The following APBB1IP variants were observed in gnomAD, a reference collection of about 807,000 sequenced individuals.
The protein encoded by APBB1IP is amyloid beta precursor protein binding family B member 1 interacting protein.
A neutral mutation model predicts 64.9 loss-of-function variants in APBB1IP; 27 were observed. The observed-to-expected ratio is 0.42, with a 90% confidence interval of 0.31 to 0.57. APBB1IP has a LOEUF of 0.57. Ranked by LOEUF, APBB1IP falls within the 20% of genes least tolerant of loss-of-function variation. APBB1IP has a pLI of 0.20. For synonymous variants in APBB1IP, 392 were observed against 331.0 expected (o/e 1.18, Z -2.00); for missense variants, 812 against 845.5 (o/e 0.96, Z 0.49).
intron 2 of APBB1IP, among the ~76,000 whole-genome samples, chr10:26,457,302 G>A (rs143057809): frequency 2.0e-5 from 3 of 152,006 alleles, no homozygotes; most frequent in South Asian, 2.1e-4. Flanking sequence ...GGTAACTATC[G>A]CATTTGAATT....
chr10:26,546,215 A>G (rs1026079725), intron 11 of APBB1IP, among the ~76,000 whole-genome samples: 1 of 152,252 alleles, frequency 6.6e-6, no homozygotes, highest in Non-Finnish European at 1.5e-5. Flanking sequence ...TGCAATGTCT[A>G]GAAACATATC....
chr10:26,551,956 TGGA>T (rs1836836722), intron 11 of APBB1IP, among the ~76,000 whole-genome samples: 1 of 151,958 alleles, frequency 6.6e-6, no homozygotes, highest in African/African-American at 2.4e-5. Flanking sequence ...GATGGATGGA[TGGA>T]TGGATGGAAT....
intron 2 of APBB1IP, among the ~76,000 whole-genome samples, chr10:26,463,734 A>T (rs992796210): frequency 2.6e-5 from 4 of 152,170 alleles, no homozygotes; most frequent in Admixed American, 1.3e-4. Flanking sequence ...TAGCATTTTT[A>T]AAAAATGTTT....
intron 2 of APBB1IP, among the ~76,000 whole-genome samples, chr10:26,469,314 C>G (rs1193310501): frequency 1.5e-5 from 2 of 130,912 alleles, no homozygotes; most frequent in Admixed American, 1.8e-4. Context: ...GGCTGGAGTG[C>G]AGTGGAGCGA....
chr10:26,560,067 A>T, intron 11 of APBB1IP, 38 bp from the exon 12 acceptor site: 5 of 1,557,478 alleles, frequency 3.2e-6, no homozygotes, highest in Non-Finnish European at 4.4e-6. Context: ...CTAATACATG[A>T]CAAGTGAATA....
At chr10:26,538,115 G>A (rs772594949) in intron 10 of APBB1IP, among the ~76,000 whole-genome samples, 2 of 152,096 alleles carry the variant, frequency 1.3e-5, no homozygotes, top group Admixed American at 6.6e-5. Flanking sequence ...CCAGCAATAT[G>A]AGACACTCAA....
chr10:26,503,077 C>A, intron 5 of APBB1IP, 120 bp from the exon 6 acceptor site: 2 of 831,584 alleles, frequency 2.4e-6, no homozygotes, highest in South Asian at 2.1e-5. Flanking sequence ...GAAAATCAAG[C>A]ATGTGAAATT....
At chr10:26,564,489 C>T (rs1242254016) in intron 14 of APBB1IP, among the ~76,000 whole-genome samples, 1 of 152,146 alleles carries the variant, frequency 6.6e-6, no homozygotes, top group Non-Finnish European at 1.5e-5. Context: ...AGTGAACCAG[C>T]CAAGTTTCAT....
intron 2 of APBB1IP, among the ~76,000 whole-genome samples, chr10:26,461,196 G>T (rs7076518): frequency 1.3e-5 from 2 of 151,730 alleles, no homozygotes; most frequent in Admixed American, 6.6e-5. Flanking sequence ...AGGAAGGGAA[G>T]GAGGGAGGGA....
At chr10:26,470,276 C>G (rs1460999724) in intron 2 of APBB1IP, among the ~76,000 whole-genome samples, 1 of 152,238 alleles carries the variant, frequency 6.6e-6, no homozygotes, top group African/African-American at 2.4e-5. Flanking sequence ...GTGTTTCATG[C>G]CTGTAATCCC....
chr10:26,525,107 C>A (rs1836456980), intron 8 of APBB1IP, among the ~76,000 whole-genome samples: 1 of 151,164 alleles, frequency 6.6e-6, no homozygotes, highest in African/African-American at 2.4e-5. Flanking sequence ...ACATGTGAGA[C>A]CTCATCTCTA....
At chr10:26,501,398 G>T in intron 5 of APBB1IP, 1 of 539,180 alleles carries the variant, frequency 1.9e-6, no homozygotes. Context: ...TGGGGGAAAT[G>T]TTTTATTAAC....
In APBB1IP at chr10:26,438,463, G is replaced by GGGATAACAGAGGA. The variant is rs34995074; in HGVS notation, c.-203+8_-203+9insGGATAACAGAGGA. The GGGATAACAGAGGA allele has an allele frequency of 0.61, 91,564 of 151,120 alleles. 28,291 individuals are homozygous for GGGATAACAGAGGA. The highest frequency in any genetic ancestry group is 0.93 in the East Asian group (4,782 of 5,140). The allele number at this position is 151,120 out of a possible 1,614,324, so 9.4% of individuals were successfully genotyped here. On this transcript the variant is annotated intron_variant, in intron 1 of 14. Transcript: ENST00000376236. ...AGGGCGCGCGCGGCACAGGTAGGGG[G>GGGATAACAGAGGA]AGGCGCAACGTTTCCCAGAATTAAA...
chr10:26,453,348 G>A (rs1199066726), intron 2 of APBB1IP, among the ~76,000 whole-genome samples: 10 of 152,164 alleles, frequency 6.6e-5, no homozygotes, highest in Admixed American at 3.9e-4. Context: ...TGAAATTGGA[G>A]TGGTGTGCTG....
intron 2 of APBB1IP, among the ~76,000 whole-genome samples, chr10:26,442,401 CA>C (rs1411336535): frequency 3.9e-5 from 6 of 152,124 alleles, no homozygotes; most frequent in Admixed American, 3.3e-4. Context: ...AACAAGCAAG[CA>C]GTGAGTTTAA....
intron 2 of APBB1IP, among the ~76,000 whole-genome samples, chr10:26,461,980 T>A (rs980200167): frequency 1.3e-5 from 2 of 152,236 alleles, no homozygotes; most frequent in African/African-American, 4.8e-5. Context: ...ATTGTTTATG[T>A]AGACAATTGT....
intron 11 of APBB1IP, among the ~76,000 whole-genome samples, chr10:26,545,588 G>A (rs1178336673): frequency 6.6e-6 from 1 of 151,962 alleles, no homozygotes; most frequent in South Asian, 2.1e-4. Flanking sequence ...GTGAAACCCC[G>A]TCTCTACTAA....
chr10:26,483,292 A>G (rs1835857792), intron 2 of APBB1IP, among the ~76,000 whole-genome samples: 1 of 152,166 alleles, frequency 6.6e-6, no homozygotes, highest in African/African-American at 2.4e-5. Context: ...TAAATATTTG[A>G]TGACTGACTT....
intron 11 of APBB1IP, among the ~76,000 whole-genome samples, chr10:26,546,658 T>C (rs1479387159): frequency 6.6e-6 from 1 of 152,200 alleles, no homozygotes; most frequent in Non-Finnish European, 1.5e-5. Context: ...ACTGTACTCA[T>C]TGACAAGCCT....
Sources: allele counts gnomAD v4.1 joint callset (sites outside exome capture counted in the v4.1 genomes callset), GRCh38; gene constraint gnomAD v4.1.1; transcripts MANE v1.5; gene names NCBI Gene and HGNC (gene_info 2026-07-23, HGNC 2026-07-21).